Variants in PPARA observed in about 807,000 individuals in gnomAD.
PPARA encodes the protein peroxisome proliferator-activated receptor alpha.
PPARA carries 22 observed loss-of-function variants against 42.2 expected under a neutral mutation model. The observed-to-expected ratio is 0.52, with a 90% confidence interval of 0.37 to 0.74. PPARA has a LOEUF of 0.74. Ranked by LOEUF, PPARA falls within the 30% of genes least tolerant of loss-of-function variation. PPARA has a pLI of 0.00. For synonymous variants in PPARA, 242 were observed against 239.3 expected (o/e 1.01, Z -0.10); for missense variants, 465 against 608.2 (o/e 0.76, Z 2.48).
In PPARA at chr22:46,222,591, C is replaced by T. The variant is rs1294353001; in HGVS notation, c.711+2577C>T. Among the ~76,000 whole-genome samples the T allele has an allele frequency of 2.0e-5, 3 of 152,204 alleles. No homozygotes were observed. The highest frequency in any genetic ancestry group is 4.4e-5 in the Non-Finnish European group (3 of 68,034). On this transcript the variant is annotated intron_variant, in intron 7 of 8. Coordinates refer to ENST00000407236, the MANE Select transcript of PPARA (RefSeq NM_005036.6). The surrounding 1 kb of genome is among the most constrained non-coding windows in gnomAD (Gnocchi z 5.9). ...CTCCAGAGGCTTGTCCCAATTAGAACTTTCCTGGATTACGAGAGTGAAAGA... is the reference window on the plus strand; with the variant it reads ...CTCCAGAGGCTTGTCCCAATTAGAATTTTCCTGGATTACGAGAGTGAAAGA...
Position 46,219,415 on chromosome 22 carries a change from T to C in PPARA, c.509-397T>C, listed in dbSNP as rs1397267657. On this transcript the variant is annotated intron_variant, in intron 6 of 8. Transcript: ENST00000407236. This position sits in a 1 kb window ranked among gnomAD's most constrained non-coding sequence, Gnocchi z 4.8. Reference sequence around the variant, plus strand: ...ATGCTAATTGTGATGTGAATGTAAGTCGTTCATAAGAGTTGCATGTCTACC... The same window carrying C: ...ATGCTAATTGTGATGTGAATGTAAGCCGTTCATAAGAGTTGCATGTCTACC... Among the ~76,000 whole-genome samples the C allele has an allele frequency of 6.6e-6, 1 of 152,202 alleles. No individual in the cohort carries two copies. The highest frequency in any genetic ancestry group is 1.5e-5 in the Non-Finnish European group (1 of 68,026).
chr22:46,159,139 G>A (rs1442378722), intron 2 of PPARA, among the ~76,000 whole-genome samples: 1 of 151,984 alleles, frequency 6.6e-6, no homozygotes, highest in Non-Finnish European at 1.5e-5. Context: ...TGATCTGCCC[G>A]CCTCAGCCAC....
In PPARA at chr22:46,184,715, C is replaced by T. The variant is rs1171129131; in HGVS notation, c.-43+7879C>T. ...ACAAAAAATACAAAAATTAGCCAGG[C>T]GTGGTGGCGCACGCCTGTAGTACCA... On this transcript the variant is annotated intron_variant, in intron 3 of 8. Coordinates refer to ENST00000407236, the MANE Select transcript of PPARA (RefSeq NM_005036.6). The surrounding 1 kb of genome is among the most constrained non-coding windows in gnomAD (Gnocchi z 4.4). Among the ~76,000 whole-genome samples, 2 of 152,212 alleles carry T rather than the reference C, an allele frequency of 1.3e-5. No homozygotes were observed. The highest frequency in any genetic ancestry group is 2.1e-4 in the South Asian group (1 of 4,814).
At chr22:46,186,335 C>T (rs1437735869) in intron 3 of PPARA, among the ~76,000 whole-genome samples, 2 of 152,082 alleles carry the variant, frequency 1.3e-5, no homozygotes, top group Admixed American at 1.3e-4. Context: ...CTTTCTGGTT[C>T]AGCTCAGTTT....
rs946804089 is a variant in PPARA at position 46,191,766 on chromosome 22, T to A, written c.-42-6576T>A. On this transcript the variant is annotated intron_variant, in intron 3 of 8. Transcript: ENST00000407236. This position sits in a 1 kb window ranked among gnomAD's most constrained non-coding sequence, Gnocchi z 4.6. ...TTCCCAAGAGCTCCTTCTGTGCAGA[T>A]CGTTAGAAATAGATATTGAGGCCAG... Among the ~76,000 whole-genome samples the A allele has an allele frequency of 1.3e-5, 2 of 152,062 alleles. No homozygotes were observed. The highest frequency in any genetic ancestry group is 4.1e-4 in the South Asian group (2 of 4,820).
At chr22:46,206,290 GTA>G (rs1263067257) in intron 4 of PPARA, among the ~76,000 whole-genome samples, 1 of 145,758 alleles carries the variant, frequency 6.9e-6, no homozygotes, top group Non-Finnish European at 1.5e-5. Context: ...GTGTGTGTGT[GTA>G]TTTTTACTAG....
At chr22:46,181,860 C>T (rs991253512) in intron 3 of PPARA, among the ~76,000 whole-genome samples, 3 of 152,128 alleles carry the variant, frequency 2.0e-5, no homozygotes, top group African/African-American at 7.2e-5. Flanking sequence ...GTTAGAGGGC[C>T]CCCTTCACCA....
rs1291455921 is a variant in PPARA at position 46,203,427 on chromosome 22, A to T, written c.208+4836A>T. Among the ~76,000 whole-genome samples the T allele has an allele frequency of 6.6e-6, 1 of 152,098 alleles. No individual in the cohort carries two copies. The highest frequency in any genetic ancestry group is 1.5e-5 in the Non-Finnish European group (1 of 68,036). ...CTTCCCGGCTTTATTGCCATAATTG[A>T]CATACAATAAACTGCATGTATTTAA... is the stretch of plus-strand genomic sequence containing the variant. On this transcript the variant is annotated intron_variant, in intron 4 of 8. Transcript: ENST00000407236. The surrounding 1 kb of genome is among the most constrained non-coding windows in gnomAD (Gnocchi z 5.8).
chr22:46,216,024 G>A lies in PPARA; in HGVS notation c.369+691G>A, dbSNP rs902977023. On this transcript the variant is annotated intron_variant, in intron 5 of 8. Coordinates refer to ENST00000407236, the MANE Select transcript of PPARA (RefSeq NM_005036.6). This position sits in a 1 kb window ranked among gnomAD's most constrained non-coding sequence, Gnocchi z 4.5. ...AGGTTGGGGATTGCTGCTTTAGAGA[G>A]TCTAGGACAAATGGTTCCTCTGTGC... Among the ~76,000 whole-genome samples, 3 of 152,216 alleles carry A rather than the reference G, an allele frequency of 2.0e-5. No homozygotes were observed. The highest frequency in any genetic ancestry group is 7.2e-5 in the African/African-American group (3 of 41,458).
rs553728324 is a variant in PPARA, at chr22:46,190,067, G to A, written c.-42-8275G>A. Among the ~76,000 whole-genome samples, 47 of 152,266 alleles carry A rather than the reference G, an allele frequency of 3.1e-4. No homozygotes were observed. The highest frequency in any genetic ancestry group is 5.0e-4 in the Non-Finnish European group (34 of 68,014). ...GTACAGAGGGCTTTCTAGCTTCTGG[G>A]TTTGTTTATTCTGAAATGTTATTTT... On this transcript the variant is annotated intron_variant, in intron 3 of 8. Coordinates refer to ENST00000407236, the MANE Select transcript of PPARA (RefSeq NM_005036.6). This position sits in a 1 kb window ranked among gnomAD's most constrained non-coding sequence, Gnocchi z 5.6.
chr22:46,169,235 T>A (rs970532419), intron 2 of PPARA, among the ~76,000 whole-genome samples: 2 of 151,844 alleles, frequency 1.3e-5, no homozygotes, highest in African/African-American at 4.8e-5. Context: ...CAAATGTACC[T>A]CACCAATGCA....
At chr22:46,166,302 A>G (rs942263712) in intron 2 of PPARA, among the ~76,000 whole-genome samples, 4 of 151,996 alleles carry the variant, frequency 2.6e-5, no homozygotes, top group Admixed American at 6.6e-5. Context: ...TCAGTGATAA[A>G]CCCACATGGC....
rs1189447570 is a variant in PPARA, at chr22:46,230,470, T to G, written c.712-1322T>G. Among the ~76,000 whole-genome samples, 1 of 152,222 alleles carries G rather than the reference T, an allele frequency of 6.6e-6. No individual in the cohort carries two copies. The highest frequency in any genetic ancestry group is 1.5e-5 in the Non-Finnish European group (1 of 68,034). ...AATCAGAGAGATCTCTCAGATGTTG[T>G]CACTTTCCTGCTCTACCCGCAGATG... On this transcript the variant is annotated intron_variant, in intron 7 of 8. Coordinates refer to ENST00000407236, the MANE Select transcript of PPARA (RefSeq NM_005036.6). This position sits in a 1 kb window ranked among gnomAD's most constrained non-coding sequence, Gnocchi z 5.0.
At chr22:46,174,773 C>T (rs1928760995) in intron 2 of PPARA, among the ~76,000 whole-genome samples, 1 of 152,108 alleles carries the variant, frequency 6.6e-6, no homozygotes, top group South Asian at 2.1e-4. Context: ...ACCATGATCA[C>T]ACTAAAGCAC....
rs1936163438 is a variant in PPARA, at chr22:46,235,562, A to C, written c.*182A>C. The C allele has an allele frequency of 1.3e-6, 1 of 780,666 alleles. No homozygotes were observed. Among genetic ancestry groups the C allele is most frequent in the Non-Finnish European group, 2.0e-6 (1 of 494,214 alleles). The allele number at this position is 780,666 out of a possible 1,614,324, so 48.4% of individuals were successfully genotyped here. On this transcript the variant is annotated 3_prime_UTR_variant, in exon 9 of 9. Coordinates refer to ENST00000407236, the MANE Select transcript of PPARA (RefSeq NM_005036.6). This position sits in a 1 kb window ranked among gnomAD's most constrained non-coding sequence, Gnocchi z 7.0. ...CTTTGTTTTAACCAGTACTTCTAAGAGCATAGAACTCAAATGCTGGGGGTA... is the reference window on the plus strand; with the variant it reads ...CTTTGTTTTAACCAGTACTTCTAAGCGCATAGAACTCAAATGCTGGGGGTA...
chr22:46,197,676 C>T (rs369078364), intron 3 of PPARA, among the ~76,000 whole-genome samples: 2 of 151,724 alleles, frequency 1.3e-5, no homozygotes, highest in East Asian at 2.0e-4. Flanking sequence ...CCGAGGCGGG[C>T]GGATCACCTG....
At position 46,224,385 on chromosome 22, in the gene PPARA, A is replaced by G. The variant is rs892255522; in HGVS notation, c.711+4371A>G. Among the ~76,000 whole-genome samples the G allele has an allele frequency of 6.6e-6, 1 of 152,256 alleles. No individual in the cohort carries two copies. Among genetic ancestry groups the G allele is most frequent in the African/African-American group, 2.4e-5 (1 of 41,476 alleles). On this transcript the variant is annotated intron_variant, in intron 7 of 8. Coordinates refer to ENST00000407236, the MANE Select transcript of PPARA (RefSeq NM_005036.6). The surrounding 1 kb of genome is among the most constrained non-coding windows in gnomAD (Gnocchi z 5.7). The stretch of plus-strand genomic sequence containing the variant: ...TGGCAGAGCTCTGGTTTTGTGGCCA[A>G]GGTGGGTAGTGGAAGACCATAGCCT...
At chr22:46,202,509 G>A (rs988984500) in intron 4 of PPARA, among the ~76,000 whole-genome samples, 1 of 151,784 alleles carries the variant, frequency 6.6e-6, no homozygotes, top group Non-Finnish European at 1.5e-5. Flanking sequence ...GGTCGAGGCG[G>A]GTGGATCACC....
Position 46,198,395 on chromosome 22 carries a change from G to A in PPARA, c.12G>A (p.Thr4=), listed in dbSNP as rs766845066. 15 of 1,613,668 alleles carry A rather than the reference G, an allele frequency of 9.3e-6. No homozygotes were observed. Among genetic ancestry groups the A allele is most frequent in the East Asian group, 6.7e-5 (3 of 44,898 alleles). The change falls in exon 4 of 9, where the codon ACG becomes ACA. Residue 4 remains threonine (T), a synonymous_variant. Coordinates refer to ENST00000407236, the MANE Select transcript of PPARA (RefSeq NM_005036.6). ...ACCATCTGGTCGCGATGGTGGACAC[G>A]GAAAGCCCACTCTGCCCCCTCTCCC... is the stretch of plus-strand genomic sequence containing the variant. MVD[T]ESPLCPLSPL...
Sources: allele counts gnomAD v4.1 joint callset (sites outside exome capture counted in the v4.1 genomes callset), GRCh38; gene constraint gnomAD v4.1.1; non-coding constraint Gnocchi (gnomAD v3.1); transcripts MANE v1.5; gene names NCBI Gene and HGNC (gene_info 2026-07-23, HGNC 2026-07-21).